The following HIVEP2 variants were observed in gnomAD, a reference collection of about 807,000 sequenced individuals.
HIVEP2 encodes the protein HIVEP zinc finger 2, also known as transcription factor HIVEP2.
Under a neutral mutation model 180.7 loss-of-function variants are expected in HIVEP2, and 14 were observed. The ratio of observed to expected loss-of-function variants is 0.08; its 90% CI spans 0.05 to 0.12. HIVEP2 has a LOEUF of 0.12. Among genes scored for constraint, HIVEP2 ranks in the 10% least tolerant of loss-of-function variants. The pLI, the probability that HIVEP2 is intolerant of heterozygous loss-of-function variation, is 1.00. For missense variants in HIVEP2, 2,579 were observed against 3,008.5 expected, an observed-to-expected ratio of 0.86 and a Z score of 3.34; for synonymous variants, 1,184 against 1,136.4, an observed-to-expected ratio of 1.04 and a Z score of -0.84.
At chr6:142,848,200 T>G (rs1168116940) in intron 1 of HIVEP2, among the ~76,000 whole-genome samples, 1 of 152,190 alleles carries the variant, frequency 6.6e-6, no homozygotes, top group Non-Finnish European at 1.5e-5. Context: ...GAACTTAATA[T>G]TAGTGGATTT....
At chr6:142,756,475 C>A (rs1417674920) in intron 9 of HIVEP2, among the ~76,000 whole-genome samples, 4 of 152,162 alleles carry the variant, frequency 2.6e-5, no homozygotes, top group Non-Finnish European at 5.9e-5. Flanking sequence ...ACCTCCCTGG[C>A]TGCCAGAAAC....
rs1775506423 is a variant in HIVEP2 at position 142,770,618 on chromosome 6, G to A, written c.4121C>T (p.Thr1374Ile). Residue 1374 changes from threonine (T) to isoleucine (I), a missense_variant, in exon 5 of 10, where the codon ACC (threonine) becomes ATC (isoleucine). Thr to Ile is a moderately conservative substitution (Grantham distance 89). This residue lies in a region of HIVEP2 where 523 missense variants were observed against 577.0 expected (regional missense o/e 0.91). Coordinates refer to ENST00000367603, the MANE Select transcript of HIVEP2 (RefSeq NM_006734.4). This position sits in a 1 kb window ranked among gnomAD's most constrained non-coding sequence, Gnocchi z 4.7. Reference protein sequence around the residue: ...IVICKVDENMTQRTLVTNAAM... With the variant: ...IVICKVDENMIQRTLVTNAAM... ...TGCGTTGGTGACCAGTGTCCTTTGGGTCATATTCTCATCGACTTTGCATAT... is the reference window on the plus strand; with the variant it reads ...TGCGTTGGTGACCAGTGTCCTTTGGATCATATTCTCATCGACTTTGCATAT... 1 of 1,614,170 alleles carries A rather than the reference G, an allele frequency of 6.2e-7. No homozygotes were observed. The highest frequency in any genetic ancestry group is 8.5e-7 in the Non-Finnish European group (1 of 1,180,030).
In HIVEP2 at chr6:142,772,890, C is replaced by G; in HGVS notation, c.1849G>C (p.Gly617Arg). 6.2e-7 allele frequency: 1 copy of G among 1,614,152 alleles called. No homozygotes were observed. The highest frequency in any genetic ancestry group is 1.1e-5 in the South Asian group (1 of 91,082). The change falls in exon 5 of 10, where the codon GGT (glycine) becomes CGT (arginine). Residue 617 changes from glycine (G) to arginine (R), a missense_variant. By Grantham distance (125) the Gly-to-Arg change is moderately radical. Around this residue, in one of 11 missense-constraint regions of HIVEP2, gnomAD observed 524 missense variants for 563.6 expected, o/e 0.93. Transcript: ENST00000367603. The surrounding 1 kb of genome is among the most constrained non-coding windows in gnomAD (Gnocchi z 4.9). ...EVEHHGRMLK[G>R]ISSSSLKEKK... ...TCCTTCAGGGATGAACTGCTGATACCCTTCAACATCCTGCCATGGTGCTCG... is the reference window on the plus strand; with the variant it reads ...TCCTTCAGGGATGAACTGCTGATACGCTTCAACATCCTGCCATGGTGCTCG...
chr6:142,779,827 C>T (rs1775801286), intron 3 of HIVEP2, among the ~76,000 whole-genome samples: 5 of 152,090 alleles, frequency 3.3e-5, no homozygotes, highest in Admixed American at 6.6e-5. Context: ...ACACTAAGGG[C>T]ATATCATATA....
At chr6:142,904,602 T>C (rs1172128026) in intron 1 of HIVEP2, among the ~76,000 whole-genome samples, 1 of 152,154 alleles carries the variant, frequency 6.6e-6, no homozygotes, top group Non-Finnish European at 1.5e-5. Context: ...ATATGGATAT[T>C]AGTCCATACT....
intron 1 of HIVEP2, among the ~76,000 whole-genome samples, chr6:142,928,185 A>C (rs1390382233): frequency 1.3e-5 from 2 of 152,238 alleles, no homozygotes; most frequent in African/African-American, 4.8e-5. Context: ...TGGGGACAGG[A>C]AGTACATGGG....
chr6:142,834,445 T>A (rs972053106), intron 2 of HIVEP2, among the ~76,000 whole-genome samples: 1 of 152,190 alleles, frequency 6.6e-6, no homozygotes, highest in Admixed American at 6.5e-5. Context: ...AGAGTCTTAA[T>A]AATTTTCACC....
At chr6:142,941,389 A>G (rs914461527) in intron 1 of HIVEP2, among the ~76,000 whole-genome samples, 3 of 152,234 alleles carry the variant, frequency 2.0e-5, no homozygotes, top group African/African-American at 7.2e-5. Flanking sequence ...AAGCATTGCC[A>G]TAAATATCAT....
At position 142,774,332 on chromosome 6, in the gene HIVEP2, T is replaced by C; in HGVS notation, c.407A>G (p.Glu136Gly). The C allele has an allele frequency of 6.2e-7, 1 of 1,614,164 alleles. No individual in the cohort carries two copies. The highest frequency in any genetic ancestry group is 8.5e-7 in the Non-Finnish European group (1 of 1,180,044). ...FPGPLPSVAS[E>G]DLFPFPIHGH... ...ATGTATAGGAAAAGGAAATAAGTCC[T>C]CAGAGGCAACGGATGGCAAAGGGCC... Residue 136 changes from glutamate to glycine, a missense_variant, in exon 5 of 10, where the codon GAG becomes GGG. By Grantham distance (98) the Glu-to-Gly change is moderately conservative (BLOSUM62 -2). Transcript: ENST00000367603. This position sits in a 1 kb window ranked among gnomAD's most constrained non-coding sequence, Gnocchi z 5.1.
In HIVEP2 at chr6:142,770,157, A is replaced by G. The variant is rs771379001; in HGVS notation, c.4582T>C (p.Ser1528Pro). ...GGCTCCCTGGAAGACGGGCTAACAGAAGGATAGTCTTGAGATGAGGAGGGC... is the reference window on the plus strand; with the variant it reads ...GGCTCCCTGGAAGACGGGCTAACAGGAGGATAGTCTTGAGATGAGGAGGGC... Reference protein sequence around the residue: ...LSPSSSQDYPSVSPSSREPFL... With the variant: ...LSPSSSQDYPPVSPSSREPFL... Residue 1528 changes from serine to proline, a missense_variant, in exon 5 of 10, where the codon TCT (serine) becomes CCT (proline). Transcript: ENST00000367603. This position sits in a 1 kb window ranked among gnomAD's most constrained non-coding sequence, Gnocchi z 4.7. 58 of 1,614,198 alleles carry G rather than the reference A, an allele frequency of 3.6e-5. No individual in the cohort carries two copies. Among genetic ancestry groups the G allele is most frequent in the Non-Finnish European group, 4.7e-5 (56 of 1,180,020 alleles).
At chr6:142,810,101 C>T (rs897391603) in intron 2 of HIVEP2, among the ~76,000 whole-genome samples, 2 of 152,114 alleles carry the variant, frequency 1.3e-5, no homozygotes, top group African/African-American at 4.8e-5. Context: ...CACATCACAT[C>T]GTCCATAGGG....
rs889193996 is a variant in HIVEP2, at chr6:142,770,145, A to G, written c.4594T>C (p.Ser1532Pro). The change falls in exon 5 of 10, where the codon TCT (serine) becomes CCT (proline). Residue 1532 changes from serine (S) to proline (P), a missense_variant. By Grantham distance (74) the Ser-to-Pro change is moderately conservative (BLOSUM62 -1). Around this residue, in one of 11 missense-constraint regions of HIVEP2, gnomAD observed 349 missense variants for 367.2 expected, o/e 0.95. Transcript: ENST00000367603. This position sits in a 1 kb window ranked among gnomAD's most constrained non-coding sequence, Gnocchi z 4.7. ...SSQDYPSVSPSSREPFLPSKE... is the reference protein window; with the variant it reads ...SSQDYPSVSPPSREPFLPSKE... ...CTGGGCAGGAATGGCTCCCTGGAAG[A>G]CGGGCTAACAGAAGGATAGTCTTGA... 2 of 1,614,102 alleles carry G rather than the reference A, an allele frequency of 1.2e-6. No homozygotes were observed.
intron 1 of HIVEP2, among the ~76,000 whole-genome samples, chr6:142,890,754 AAAGT>A (rs1186429327): frequency 6.6e-6 from 1 of 152,246 alleles, no homozygotes; most frequent in Non-Finnish European, 1.5e-5. Context: ...TGTAACTGAG[AAAGT>A]AATACAAAAA....
chr6:142,778,534 G>T (rs1370894423), intron 3 of HIVEP2, among the ~76,000 whole-genome samples: 1 of 151,944 alleles, frequency 6.6e-6, no homozygotes, highest in Non-Finnish European at 1.5e-5. Flanking sequence ...ATTTTATCAT[G>T]GTATTGATCT....
chr6:142,840,863 G>C (rs920552223), intron 1 of HIVEP2, among the ~76,000 whole-genome samples: 18 of 152,200 alleles, frequency 1.2e-4, no homozygotes, highest in African/African-American at 4.1e-4. Flanking sequence ...GCCACCAGCA[G>C]TAGATGTGCA....
At chr6:142,847,065 A>G (rs1191920022) in intron 1 of HIVEP2, among the ~76,000 whole-genome samples, 3 of 152,144 alleles carry the variant, frequency 2.0e-5, no homozygotes, top group African/African-American at 4.8e-5. Flanking sequence ...AGTTGAGATC[A>G]CTCAACTCTA....
intron 1 of HIVEP2, among the ~76,000 whole-genome samples, chr6:142,862,091 C>G (rs927059571): frequency 6.6e-6 from 1 of 152,108 alleles, no homozygotes; most frequent in Non-Finnish European, 1.5e-5. Context: ...TGTTAAGACT[C>G]TATTATCAAT....
intron 2 of HIVEP2, among the ~76,000 whole-genome samples, chr6:142,815,703 G>T (rs903295129): frequency 2.0e-5 from 3 of 152,104 alleles, no homozygotes; most frequent in African/African-American, 7.2e-5. Context: ...TATCTGTCAG[G>T]CATTGTGCTA....
At position 142,772,122 on chromosome 6, in the gene HIVEP2, A is replaced by G; in HGVS notation, c.2617T>C (p.Ser873Pro). 6.2e-7 allele frequency: 1 copy of G among 1,614,094 alleles called. No individual in the cohort carries two copies. The highest frequency in any genetic ancestry group is 2.2e-5 in the East Asian group (1 of 44,880). Residue 873 changes from serine (S) to proline (P), a missense_variant, in exon 5 of 10, where the codon TCC (serine) becomes CCC (proline). By Grantham distance (74) the Ser-to-Pro change is moderately conservative. Around this residue, in one of 11 missense-constraint regions of HIVEP2, gnomAD observed 524 missense variants for 563.6 expected, o/e 0.93. Coordinates refer to ENST00000367603, the MANE Select transcript of HIVEP2 (RefSeq NM_006734.4). This position sits in a 1 kb window ranked among gnomAD's most constrained non-coding sequence, Gnocchi z 4.9. ...PSPSQQVQQQ[S>P]YHTQPRLVRQ... The stretch of plus-strand genomic sequence containing the variant: ...ACTAGCCTGGGCTGTGTGTGATAGG[A>G]CTGCTGCTGCACCTGCTGAGATGGA...
Sources: allele counts gnomAD v4.1 joint callset (sites outside exome capture counted in the v4.1 genomes callset), GRCh38; gene constraint gnomAD v4.1.1; regional missense constraint gnomAD v4.1.1; non-coding constraint Gnocchi (gnomAD v3.1); transcripts MANE v1.5; gene names NCBI Gene and HGNC (gene_info 2026-07-23, HGNC 2026-07-21).